The following C19orf44 variants were observed in gnomAD, a reference collection of about 807,000 sequenced individuals.
C19orf44 encodes the protein uncharacterized protein C19orf44.
In C19orf44, 43 loss-of-function variants were observed where a neutral mutation model predicts 50.7. That is an observed-to-expected ratio of 0.85 (90% CI 0.66 to 1.09). The LOEUF is 1.09. Ranked by LOEUF, C19orf44 falls within the 50% of genes least tolerant of loss-of-function variation. The pLI is 0.00. For synonymous variants in C19orf44, 298 were observed against 334.7 expected (o/e 0.89, Z 1.20); for missense variants, 722 against 836.2 (o/e 0.86, Z 1.68).
chr19:16,509,009 G>A (rs1447525926), intron 4 of C19orf44, among the ~76,000 whole-genome samples: 1 of 152,030 alleles, frequency 6.6e-6, no homozygotes, highest in African/African-American at 2.4e-5. Flanking sequence ...TGGTAGAGAC[G>A]GGGTTTCTCC....
At chr19:16,500,148 C>G (rs753642462) in intron 1 of C19orf44, among the ~76,000 whole-genome samples, 1 of 151,994 alleles carries the variant, frequency 6.6e-6, no homozygotes, top group African/African-American at 2.4e-5. Context: ...AGGCTGGTCT[C>G]GAACCCCTGG....
intron 4 of C19orf44, among the ~76,000 whole-genome samples, chr19:16,509,180 GTCTTGAA>G (rs2093449078): frequency 6.6e-6 from 1 of 151,894 alleles, no homozygotes; most frequent in Non-Finnish European, 1.5e-5. Flanking sequence ...GCCCAGGCAG[GTCTTGAA>G]CTCCTGAGCT....
Position 16,520,583 on chromosome 19 carries a change from A to G in C19orf44, c.*530A>G, listed in dbSNP as rs1452767267. 6.7e-7 allele frequency: 1 copy of G among 1,502,928 alleles called. No individual in the cohort carries two copies. The allele number at this position is 1,502,928 out of a possible 1,614,324, so 93.1% of individuals were successfully genotyped here. On this transcript the variant is annotated 3_prime_UTR_variant, in exon 9 of 9. Coordinates refer to ENST00000221671, the MANE Select transcript of C19orf44 (RefSeq NM_032207.4). The surrounding 1 kb of genome is among the most constrained non-coding windows in gnomAD (Gnocchi z 4.0). ...AGCCCACCCTGGCCCTCAGGTTCCT[A>G]GACCACCCCAGATGCAGGGGCTCTG...
rs1335223219 is a variant in C19orf44 at position 16,519,545 on chromosome 19, A to T, written c.*41-549A>T. 16 of 1,381,548 alleles carry T rather than the reference A, an allele frequency of 1.2e-5. No homozygotes were observed. The Admixed American group carries it at 2.2e-4, about 19-fold the overall frequency. 85.6% of individuals were successfully genotyped at this position (1,381,548 alleles called of 1,614,324 possible). On this transcript the variant is annotated intron_variant, in intron 8 of 8. Transcript: ENST00000221671. The surrounding 1 kb of genome is among the most constrained non-coding windows in gnomAD (Gnocchi z 6.0). ...CATCCATCCCCACATGCACTGAGGA[A>T]GAGAAAGCGCTGGTGACTCCCGGGC...
chr19:16,517,412 C>T (rs758797723), intron 8 of C19orf44, 71 bp downstream of exon 8: 20 of 1,130,206 alleles, frequency 1.8e-5, no homozygotes, highest in African/African-American at 1.2e-4. Flanking sequence ...CCAAGTGTGA[C>T]GTTCCGTGGT....
intron 6 of C19orf44, 130 bp from the exon 7 acceptor site, chr19:16,514,367 G>A (rs1403245258): frequency 1.0e-6 from 1 of 972,514 alleles, no homozygotes; most frequent in Non-Finnish European, 1.5e-6. Context: ...CTGGGTGGCA[G>A]AGCGAGACCC....
Position 16,520,155 on chromosome 19 carries a change from G to C in C19orf44, c.*102G>C, listed in dbSNP as rs932533234. ...ACTTAAGACAGGATCTTACGGCGGG[G>C]TGGGGCTCCTGGACCGTGACCGGCG... On this transcript the variant is annotated 3_prime_UTR_variant, in exon 9 of 9. Coordinates refer to ENST00000221671, the MANE Select transcript of C19orf44 (RefSeq NM_032207.4). This position sits in a 1 kb window ranked among gnomAD's most constrained non-coding sequence, Gnocchi z 4.0. 1.9e-6 allele frequency: 3 copies of C among 1,612,280 alleles called. No individual in the cohort carries two copies. Among genetic ancestry groups the C allele is most frequent in the Admixed American group, 1.7e-5 (1 of 59,998 alleles).
chr19:16,509,381 G>T, intron 4 of C19orf44, 118 bp from the exon 5 acceptor site: 1 of 1,344,812 alleles, frequency 7.4e-7, no homozygotes, highest in Non-Finnish European at 1.0e-6. Flanking sequence ...ATGAGGACCT[G>T]GTGTGTCCCC....
intron 5 of C19orf44, among the ~76,000 whole-genome samples, chr19:16,512,575 T>TA (rs1268186815): frequency 1.3e-5 from 2 of 150,180 alleles, no homozygotes; most frequent in African/African-American, 2.5e-5. Context: ...GGGAAGAGGG[T>TA]AAAAAAAAGT....
At chr19:16,514,087 A>C (rs1352414677) in intron 6 of C19orf44, among the ~76,000 whole-genome samples, 2 of 151,628 alleles carry the variant, frequency 1.3e-5, no homozygotes, top group Non-Finnish European at 2.9e-5. Context: ...TCCCAGGTTC[A>C]AGCGATTCTC....
At chr19:16,506,317 G>C (rs910870870) in intron 3 of C19orf44, among the ~76,000 whole-genome samples, 6 of 152,084 alleles carry the variant, frequency 3.9e-5, no homozygotes, top group Non-Finnish European at 7.4e-5. Context: ...GATTAGGCTG[G>C]CTGCGGTGGC....
chr19:16,520,459 G>C lies in C19orf44; in HGVS notation c.*406G>C, dbSNP rs2085600917. The C allele has an allele frequency of 4.3e-6, 7 of 1,614,116 alleles. No homozygotes were observed. The highest frequency in any genetic ancestry group is 3.3e-5 in the South Asian group (3 of 91,082). On this transcript the variant is annotated 3_prime_UTR_variant, in exon 9 of 9. Transcript: ENST00000221671. This position sits in a 1 kb window ranked among gnomAD's most constrained non-coding sequence, Gnocchi z 4.0. ...TGGAGGATCTTGAGTTGGAGCGGGA[G>C]GAAGAACGCCCTCGACTCTTGGATC...
In C19orf44 at chr19:16,520,487, C is replaced by T; in HGVS notation, c.*434C>T. 1.2e-6 allele frequency: 2 copies of T among 1,613,676 alleles called. No individual in the cohort carries two copies. Among genetic ancestry groups the T allele is most frequent in the Non-Finnish European group, 1.7e-6 (2 of 1,179,784 alleles). On this transcript the variant is annotated 3_prime_UTR_variant, in exon 9 of 9. Transcript: ENST00000221671. The surrounding 1 kb of genome is among the most constrained non-coding windows in gnomAD (Gnocchi z 4.0). ...AGAACGCCCTCGACTCTTGGATCTG[C>T]TCCGAGACCTCGAGGGTCCGCTGTG...
chr19:16,519,303 G>T lies in C19orf44; in HGVS notation c.*41-791G>T, dbSNP rs550333603. On this transcript the variant is annotated intron_variant, in intron 8 of 8. Transcript: ENST00000221671. This position sits in a 1 kb window ranked among gnomAD's most constrained non-coding sequence, Gnocchi z 6.0. ...CCCGGACGTCCCCGCCCTTGATGGG[G>T]TCCTGGATCCCTTGCTCCTTCGCAC... 6.2e-7 allele frequency: 1 copy of T among 1,613,844 alleles called. No individual in the cohort carries two copies. Among genetic ancestry groups the T allele is most frequent in the South Asian group, 1.1e-5 (1 of 91,078 alleles).
chr19:16,502,746 T>G (rs1599729692), intron 2 of C19orf44, among the ~76,000 whole-genome samples: 1 of 151,226 alleles, frequency 6.6e-6, no homozygotes, highest in Non-Finnish European at 1.5e-5. Context: ...AATCCCAGGG[T>G]TTTGGAAAGC....
Position 16,501,029 on chromosome 19 carries a change from T to G in C19orf44, c.237T>G (p.Cys79Trp). The change falls in exon 2 of 9, where the codon TGT becomes TGG. Residue 79 changes from cysteine (C) to tryptophan (W), a missense_variant. Transcript: ENST00000221671. ...VLGSGPRLAS[C>W]RPPTTASRIR... ...GGAGTGGACCCAGGCTTGCCTCATGTAGACCGCCCACCACTGCCTCCAGGA... is the reference window on the plus strand; with the variant it reads ...GGAGTGGACCCAGGCTTGCCTCATGGAGACCGCCCACCACTGCCTCCAGGA... The G allele has an allele frequency of 2.5e-6, 4 of 1,614,080 alleles. No homozygotes were observed. The highest frequency in any genetic ancestry group is 3.4e-6 in the Non-Finnish European group (4 of 1,180,016).
Position 16,501,886 on chromosome 19 carries a change from C to CGTAAT in C19orf44, c.759+336_759+337insTAATG, listed in dbSNP as rs1173410528. Among the ~76,000 whole-genome samples the CGTAAT allele has an allele frequency of 2.1e-5, 3 of 144,156 alleles. No homozygotes were observed. In the East Asian group the frequency reaches 6.4e-4, roughly 31 times the overall value. The allele number at this position is 144,156 out of a possible 152,430, so 94.6% of individuals were successfully genotyped here. On this transcript the variant is annotated intron_variant, in intron 2 of 8. Coordinates refer to ENST00000221671, the MANE Select transcript of C19orf44 (RefSeq NM_032207.4). ...GATTACAGGCATGAGCCACCATGCC[C>CGTAAT]GGCCGGTGACTGGCTACTTTTTTGT...
chr19:16,499,050 G>A (rs2093417657), intron 1 of C19orf44, among the ~76,000 whole-genome samples: 1 of 152,256 alleles, frequency 6.6e-6, no homozygotes, highest in Non-Finnish European at 1.5e-5. Context: ...GGTAGTAATT[G>A]TTATTTTTAC....
At chr19:16,517,143 G>GCTGGCTCCACTCCCTCCTC in intron 7 of C19orf44, 87 bp from the exon 8 acceptor site, 1 of 1,258,700 alleles carries the variant, frequency 7.9e-7, no homozygotes. Context: ...GGGGACAGGT[G>GCTGGCTCCACTCCCTCCTC]CTGGCTCCAC....
Sources: allele counts gnomAD v4.1 joint callset (sites outside exome capture counted in the v4.1 genomes callset), GRCh38; gene constraint gnomAD v4.1.1; non-coding constraint Gnocchi (gnomAD v3.1); transcripts MANE v1.5; gene names NCBI Gene and HGNC (gene_info 2026-07-23, HGNC 2026-07-21).